The following RPSA2 variants were observed in gnomAD, a reference collection of about 807,000 sequenced individuals.
The protein encoded by RPSA2 is small ribosomal subunit protein uS2B.
the RPSA2 span, among the ~76,000 whole-genome samples, chr19:23,826,102 G>A: frequency 2.7e-5 from 4 of 150,286 alleles, no homozygotes; most frequent in Admixed American, 2.7e-4. Flanking sequence ...ACATTGTCAT[G>A]CAACATATTG....
the RPSA2 span, among the ~76,000 whole-genome samples, chr19:23,866,807 A>G: frequency 6.6e-6 from 1 of 152,178 alleles, no homozygotes; most frequent in Non-Finnish European, 1.5e-5. Flanking sequence ...TTAGTTGGAG[A>G]AGACAAACCT....
At chr19:23,867,536 C>CA in the RPSA2 span, among the ~76,000 whole-genome samples, 2 of 6,468 alleles carry the variant, frequency 3.1e-4, no homozygotes, top group Admixed American at 8.1e-3. Context: ...GAAAGACAGA[C>CA]AAAAAAGACT....
chr19:23,816,568 G>A, the RPSA2 span, among the ~76,000 whole-genome samples: 3 of 152,036 alleles, frequency 2.0e-5, no homozygotes, highest in African/African-American at 4.8e-5. Context: ...GTGTAGTGAT[G>A]TGCTTCAATT....
the RPSA2 span, among the ~76,000 whole-genome samples, chr19:23,825,183 TTAGCC>T: frequency 6.6e-6 from 1 of 152,110 alleles, no homozygotes; most frequent in Non-Finnish European, 1.5e-5. Flanking sequence ...TTTCACCATG[TTAGCC>T]AGGATGGGCT....
At chr19:23,867,546 T>A in the RPSA2 span, among the ~76,000 whole-genome samples, 1 of 150,168 alleles carries the variant, frequency 6.7e-6, no homozygotes, top group Non-Finnish European at 1.5e-5. Context: ...CAAAAAAGAC[T>A]GGGGCCGGGT....
At chr19:23,763,075 C>G in the RPSA2 span, 1 of 154,462 alleles carries the variant, frequency 6.5e-6, no homozygotes. Flanking sequence ...GTTACAGCCT[C>G]TGTTGACCTA....
At chr19:23,818,919 T>A in the RPSA2 span, 2 of 152,514 alleles carry the variant, frequency 1.3e-5, no homozygotes, top group Non-Finnish European at 2.9e-5. Flanking sequence ...ATACCTATAA[T>A]AAGTGGTAGA....
the RPSA2 span, among the ~76,000 whole-genome samples, chr19:23,825,194 G>A: frequency 1.3e-5 from 2 of 151,968 alleles, no homozygotes; most frequent in African/African-American, 2.4e-5. Flanking sequence ...TAGCCAGGAT[G>A]GGCTTGATCT....
chr19:23,852,316 C>T, the RPSA2 span, among the ~76,000 whole-genome samples: 3 of 144,818 alleles, frequency 2.1e-5, no homozygotes, highest in Admixed American at 7.2e-5. Flanking sequence ...TTGGGGAGAC[C>T]CTAACCCAGC....
the RPSA2 span, among the ~76,000 whole-genome samples, chr19:23,759,773 C>T: frequency 6.6e-6 from 1 of 151,976 alleles, no homozygotes; most frequent in East Asian, 1.9e-4. Flanking sequence ...TGGCCCGCCT[C>T]AGCCTCCCAA....
the RPSA2 span, among the ~76,000 whole-genome samples, chr19:23,870,414 A>G: frequency 7.0e-6 from 1 of 142,022 alleles, no homozygotes; most frequent in Non-Finnish European, 1.6e-5. Flanking sequence ...ATTCACACTC[A>G]TATTTGTGTA....
chr19:23,841,291 C>T, the RPSA2 span, among the ~76,000 whole-genome samples: 1 of 151,916 alleles, frequency 6.6e-6, no homozygotes, highest in Non-Finnish European at 1.5e-5. Context: ...GGTGAAACCC[C>T]GTCTCTACTA....
chr19:23,846,054 T>C, the RPSA2 span, among the ~76,000 whole-genome samples: 4 of 152,218 alleles, frequency 2.6e-5, no homozygotes, highest in Admixed American at 6.5e-5. Context: ...AGATATTGTG[T>C]TACCTAAAGA....
At chr19:23,783,477 C>CT in the RPSA2 span, among the ~76,000 whole-genome samples, 9 of 146,846 alleles carry the variant, frequency 6.1e-5, no homozygotes, top group Admixed American at 6.3e-4. Context: ...CAGAAATACT[C>CT]TAATACATCT....
At chr19:23,833,145 G>A in the RPSA2 span, 1 of 1,193,556 alleles carries the variant, frequency 8.4e-7, no homozygotes, top group African/African-American at 1.6e-5. Context: ...CCTACAAATG[G>A]GAAGAATGTG....
chr19:23,806,950 T>C, the RPSA2 span, among the ~76,000 whole-genome samples: 1 of 152,118 alleles, frequency 6.6e-6, no homozygotes, highest in African/African-American at 2.4e-5. Flanking sequence ...GAGACTGTAA[T>C]TTACTTTAGT....
At chr19:23,765,685 C>T in the RPSA2 span, among the ~76,000 whole-genome samples, 1 of 152,156 alleles carries the variant, frequency 6.6e-6, no homozygotes, top group African/African-American at 2.4e-5. Flanking sequence ...AGGCTTAATA[C>T]CTGGGCGATG....
chr19:23,788,093 C>T, the RPSA2 span, among the ~76,000 whole-genome samples: 1 of 152,190 alleles, frequency 6.6e-6, no homozygotes, highest in African/African-American at 2.4e-5. Flanking sequence ...GGCCAGTCGC[C>T]TAAATGATAG....
chr19:23,803,011 T>G, the RPSA2 span, among the ~76,000 whole-genome samples: 2 of 152,130 alleles, frequency 1.3e-5, no homozygotes, highest in African/African-American at 4.8e-5. Flanking sequence ...AGAGATTTGT[T>G]AAATTGCTTA....
Sources: gnomAD v4.1 joint callset for allele counts (sites outside exome capture counted in the v4.1 genomes callset) on GRCh38, gnomAD v4.1.1 for gene constraint, MANE v1.5 for transcripts, NCBI Gene and HGNC (gene_info 2026-07-23, HGNC 2026-07-21) for gene names.